POLR2B: variants seen among roughly 807,000 people sequenced by gnomAD.
POLR2B encodes DNA-directed RNA polymerase II subunit RPB2.
In POLR2B, 57 loss-of-function variants were observed where a neutral mutation model predicts 144.6. That is an observed-to-expected ratio of 0.39 (90% CI 0.32 to 0.49). The LOEUF is 0.49. Ranked by LOEUF, POLR2B falls within the 20% of genes least tolerant of loss-of-function variation. POLR2B has a pLI of 0.83. For synonymous variants in POLR2B, 442 were observed against 469.8 expected (o/e 0.94, Z 0.77); for missense variants, 595 against 1,467.4 (o/e 0.41, Z 9.71).
At chr4:57,011,321 A>G (rs1723181534) in intron 13 of POLR2B, among the ~76,000 whole-genome samples, 1 of 152,164 alleles carries the variant, frequency 6.6e-6, no homozygotes, top group Non-Finnish European at 1.5e-5. Flanking sequence ...TGAGGTCAGG[A>G]GTTCAAGCGC....
At chr4:57,025,619 A>G (rs987492459) in intron 23 of POLR2B, 82 bp downstream of exon 23, 2 of 903,108 alleles carry the variant, frequency 2.2e-6, no homozygotes, top group African/African-American at 1.7e-5. Context: ...AGATAGTGGT[A>G]TAGTGAATGC....
chr4:57,016,649 AGAT>A (rs990423068), intron 14 of POLR2B, among the ~76,000 whole-genome samples: 5 of 150,900 alleles, frequency 3.3e-5, no homozygotes, highest in African/African-American at 1.2e-4. Context: ...TTTAGTAAAA[AGAT>A]GAAGCTGCTT....
intron 3 of POLR2B, among the ~76,000 whole-genome samples, chr4:56,991,765 T>C (rs1238754210): frequency 6.6e-6 from 1 of 152,210 alleles, no homozygotes; most frequent in Admixed American, 6.5e-5. Flanking sequence ...TTTTTTATTC[T>C]TGGGTCATTT....
At chr4:57,018,132 G>T (rs1180922334) in intron 16 of POLR2B, among the ~76,000 whole-genome samples, 3 of 152,178 alleles carry the variant, frequency 2.0e-5, no homozygotes, top group Non-Finnish European at 4.4e-5. Flanking sequence ...TAAATATATG[G>T]AAGTGAAAGC....
intron 13 of POLR2B, among the ~76,000 whole-genome samples, chr4:57,012,812 G>GCC (rs1723235776): frequency 2.0e-5 from 3 of 151,596 alleles, no homozygotes; most frequent in African/African-American, 7.3e-5. Flanking sequence ...TTACAGATGT[G>GCC]TACCACCATG....
chr4:56,981,715 C>T (rs527972827), intron 1 of POLR2B, among the ~76,000 whole-genome samples: 4 of 152,268 alleles, frequency 2.6e-5, no homozygotes, highest in African/African-American at 4.8e-5. Context: ...TCATTGTTAC[C>T]TTTTTCTTCT....
chr4:56,997,967 C>T (rs1722740387), intron 6 of POLR2B, among the ~76,000 whole-genome samples: 2 of 152,180 alleles, frequency 1.3e-5, no homozygotes, highest in East Asian at 1.9e-4. Context: ...AAGACATAAA[C>T]AGTATATTAG....
At chr4:57,016,429 T>TC (rs1723367355) in intron 14 of POLR2B, among the ~76,000 whole-genome samples, 1 of 151,924 alleles carries the variant, frequency 6.6e-6, no homozygotes, top group Non-Finnish European at 1.5e-5. Flanking sequence ...GCACCTGCAG[T>TC]CCAGCTACTC....
Position 56,995,164 on chromosome 4 carries a change from GATTAA to G in POLR2B, c.577-81_577-77del, listed in dbSNP as rs1722640374. On this transcript the variant is annotated intron_variant, in intron 5 of 24. Coordinates refer to ENST00000314595, the MANE Select transcript of POLR2B (RefSeq NM_000938.3). ...ATATTTCAGTGAGCCTATATGGTCA[GATTAA>G]ATTAAGATGCAGATTTTACTCTCTT... 3.1e-6 allele frequency: 3 copies of G among 968,684 alleles called. No homozygotes were observed. In the South Asian group the frequency reaches 5.1e-5, roughly 16 times the overall value. 60.0% of individuals were successfully genotyped at this position (968,684 alleles called of 1,614,324 possible).
At chr4:56,988,550 T>C (rs930873256) in intron 2 of POLR2B, among the ~76,000 whole-genome samples, 1 of 152,182 alleles carries the variant, frequency 6.6e-6, no homozygotes, top group Non-Finnish European at 1.5e-5. Context: ...AAAAGTCAGC[T>C]TTTCATTGTG....
At chr4:57,025,316 A>G (rs75559205) in intron 22 of POLR2B, 61 bp from the exon 23 acceptor site, 20,365 of 1,177,782 alleles carry the variant, frequency 0.017, 254 homozygotes, top group Non-Finnish European at 0.021. Flanking sequence ...ATATATACAC[A>G]TATCTTCTTT....
Position 57,025,380 on chromosome 4 carries a change from C to A in POLR2B, c.3082C>A (p.Leu1028Met). ...TCAAAATCTGTGTTTGTTGCAGGTC[C>A]TGTACAATGGGTTCACTGGTCGAAA... ...YGYHLRGNEV[L>M]YNGFTGRKIT... is the part of the protein sequence containing the mutation. Residue 1028 changes from leucine to methionine, a missense_variant, in exon 23 of 25, where the codon CTG (leucine) becomes ATG (methionine). This residue lies in a region of POLR2B where 65 missense variants were observed against 282.8 expected (regional missense o/e 0.23). Coordinates refer to ENST00000314595, the MANE Select transcript of POLR2B (RefSeq NM_000938.3). The A allele has an allele frequency of 6.2e-7, 1 of 1,612,262 alleles. No individual in the cohort carries two copies. Among genetic ancestry groups the A allele is most frequent in the Non-Finnish European group, 8.5e-7 (1 of 1,178,344 alleles).
rs1389217500 is a variant in POLR2B at position 57,013,321 on chromosome 4, GA to G, written c.1801-2179del. Among the ~76,000 whole-genome samples the G allele has an allele frequency of 1.7e-4, 26 of 152,214 alleles. No individual in the cohort carries two copies. In the East Asian group the frequency reaches 4.3e-3, roughly 25 times the overall value. ...AGGCTTATTTACAGCTTGAAGTCAG[GA>G]AGAGAGTGATTCACTTGAGGGCAGG... On this transcript the variant is annotated intron_variant, in intron 13 of 24. Transcript: ENST00000314595.
Position 57,023,709 on chromosome 4 carries a change from A to G in POLR2B, c.2814A>G (p.Arg938=). 1 of 1,613,148 alleles carries G rather than the reference A, an allele frequency of 6.2e-7. No individual in the cohort carries two copies. Among genetic ancestry groups the G allele is most frequent in the Non-Finnish European group, 8.5e-7 (1 of 1,179,148 alleles). Residue 938 remains arginine (R), a synonymous_variant, in exon 20 of 25, where the codon CGA becomes CGG. Transcript: ENST00000314595. The surrounding 1 kb of genome is among the most constrained non-coding windows in gnomAD (Gnocchi z 4.3). The part of the protein sequence containing the change: ...IPQIGDKFAS[R]HGQKGTCGIQ... The stretch of plus-strand genomic sequence containing the variant: ...AGATTGGAGACAAATTTGCTAGTCG[A>G]CATGGTCAAAAGGGTACTTGTGGTA...
chr4:56,996,242 GTA>G (rs1351659280), intron 6 of POLR2B, among the ~76,000 whole-genome samples: 1 of 96,108 alleles, frequency 1.0e-5, no homozygotes, highest in Non-Finnish European at 2.2e-5. Flanking sequence ...GTGTGTGTAT[GTA>G]TATGTGTGTG....
chr4:57,019,209 T>G (rs1723462505), intron 16 of POLR2B, among the ~76,000 whole-genome samples: 1 of 152,166 alleles, frequency 6.6e-6, no homozygotes, highest in Admixed American at 6.5e-5. Flanking sequence ...CTCCAACATT[T>G]AGATAATACA....
At chr4:56,999,048 C>T (rs1470713572) in intron 6 of POLR2B, among the ~76,000 whole-genome samples, 3 of 151,910 alleles carry the variant, frequency 2.0e-5, no homozygotes, top group South Asian at 4.1e-4. Context: ...TTTGTATATG[C>T]GTACAATTAA....
chr4:57,013,829 C>T (rs182521372), intron 13 of POLR2B, among the ~76,000 whole-genome samples: 3 of 151,604 alleles, frequency 2.0e-5, no homozygotes, highest in Non-Finnish European at 2.9e-5. Context: ...GTAGAGTGGT[C>T]GGGTGTGGTG....
Position 57,017,039 on chromosome 4 carries a change from T to A in POLR2B, c.1956-4T>A. The A allele has an allele frequency of 6.4e-7, 1 of 1,551,282 alleles. No homozygotes were observed. Among genetic ancestry groups the A allele is most frequent in the Middle Eastern group, 1.7e-4 (1 of 5,834 alleles). On this transcript the variant is annotated splice_region_variant and splice_polypyrimidine_tract_variant and intron_variant, in intron 14 of 24. Transcript: ENST00000314595. The surrounding 1 kb of genome is among the most constrained non-coding windows in gnomAD (Gnocchi z 4.8). Reference sequence around the variant, plus strand: ...AGTAGAAAATTGAGTGAATTCTTTTTTAGTTGGCAGGATCTTGTGGCCAGT... The same window carrying A: ...AGTAGAAAATTGAGTGAATTCTTTTATAGTTGGCAGGATCTTGTGGCCAGT...
Sources: gnomAD v4.1 joint callset for allele counts (sites outside exome capture counted in the v4.1 genomes callset) on GRCh38, gnomAD v4.1.1 for gene constraint, gnomAD v4.1.1 regional missense constraint, Gnocchi (gnomAD v3.1) non-coding constraint, MANE v1.5 for transcripts, NCBI Gene and HGNC (gene_info 2026-07-23, HGNC 2026-07-21) for gene names.